The following ABCC4 variants were observed in gnomAD, a reference collection of about 807,000 sequenced individuals.
The protein encoded by ABCC4 is ATP-binding cassette sub-family C member 4.
Under a neutral mutation model 168.5 loss-of-function variants are expected in ABCC4, and 102 were observed. That is an observed-to-expected ratio of 0.61 (90% CI 0.52 to 0.71). The LOEUF is 0.71. Among genes scored for constraint, ABCC4 ranks in the 30% least tolerant of loss-of-function variants. ABCC4 has a pLI of 0.00. For synonymous variants in ABCC4, 617 were observed against 590.7 expected, an observed-to-expected ratio of 1.04 and a Z score of -0.65; for missense variants, 1,402 against 1,605.8, an observed-to-expected ratio of 0.87 and a Z score of 2.17.
intron 8 of ABCC4, among the ~76,000 whole-genome samples, chr13:95,196,625 G>A (rs868429788): frequency 4.2e-4 from 3 of 7,070 alleles, no homozygotes; most frequent in African/African-American, 1.2e-3. Flanking sequence ...AGGAAGGAAG[G>A]AAGGAAGGAA....
rs143743258 is a variant in ABCC4, at chr13:95,155,037, T to C, written c.2455+6152A>G. The stretch of plus-strand genomic sequence containing the variant: ...TTCTGATCATATAAAAAGCTCATCA[T>C]GGAGGTTGCTTTCAGTTCTCCACAA... On this transcript the variant is annotated intron_variant, in intron 19 of 30. Coordinates refer to ENST00000645237, the MANE Select transcript of ABCC4 (RefSeq NM_005845.5). 2.9e-4 allele frequency among the ~76,000 whole-genome samples: 44 copies of C among 152,320 alleles called. No homozygotes were observed. The East Asian group carries it at 7.7e-3, about 27-fold the overall frequency.
intron 19 of ABCC4, among the ~76,000 whole-genome samples, chr13:95,145,979 A>C (rs528367047): frequency 1.3e-5 from 2 of 152,338 alleles, no homozygotes; most frequent in South Asian, 2.1e-4. Flanking sequence ...TGGGAGGCCA[A>C]GGCAGGAGGA....
chr13:95,224,414 A>G (rs997898636), intron 4 of ABCC4, among the ~76,000 whole-genome samples: 11 of 152,168 alleles, frequency 7.2e-5, no homozygotes, highest in Non-Finnish European at 1.5e-5. Context: ...GAACAAAATG[A>G]GAGAATTCAT....
intron 9 of ABCC4, among the ~76,000 whole-genome samples, chr13:95,192,309 C>T (rs953684146): frequency 3.3e-5 from 5 of 152,248 alleles, no homozygotes; most frequent in African/African-American, 1.2e-4. Context: ...TGTGCCCCTC[C>T]TCCCACCCCA....
chr13:95,278,328 C>T (rs1329735527), intron 1 of ABCC4, among the ~76,000 whole-genome samples: 3 of 152,030 alleles, frequency 2.0e-5, no homozygotes, highest in Non-Finnish European at 2.9e-5. Context: ...TATCATCTAA[C>T]CTGGGATACT....
At chr13:95,241,607 G>A (rs1167271207) in intron 3 of ABCC4, among the ~76,000 whole-genome samples, 1 of 152,018 alleles carries the variant, frequency 6.6e-6, no homozygotes, top group Non-Finnish European at 1.5e-5. Flanking sequence ...GTGCACATAG[G>A]GGACAGATGT....
intron 22 of ABCC4, among the ~76,000 whole-genome samples, chr13:95,074,645 T>C (rs1594052866): frequency 6.6e-6 from 1 of 152,130 alleles, no homozygotes; most frequent in Non-Finnish European, 1.5e-5. Context: ...TCATGTGAAG[T>C]CCACCCACAC....
rs369328507 is a variant in ABCC4 at position 95,201,620 on chromosome 13, AG to A, written c.1161+4911del. ...CTATAAACAAATGGCTTCAATAATA[AG>A]GGGAAAATGAGGACAAAGTCACGTA... On this transcript the variant is annotated intron_variant, in intron 8 of 30. Coordinates refer to ENST00000645237, the MANE Select transcript of ABCC4 (RefSeq NM_005845.5). Among the ~76,000 whole-genome samples, 39 of 152,266 alleles carry A rather than the reference AG, an allele frequency of 2.6e-4. No homozygotes were observed. In the East Asian group the frequency reaches 6.6e-3, roughly 26 times the overall value.
At chr13:95,092,143 C>T (rs186779209) in intron 20 of ABCC4, among the ~76,000 whole-genome samples, 1 of 152,216 alleles carries the variant, frequency 6.6e-6, no homozygotes, top group East Asian at 1.9e-4. Flanking sequence ...CCCAACACTA[C>T]AGCTCTCAAA....
intron 19 of ABCC4, among the ~76,000 whole-genome samples, chr13:95,131,607 C>A (rs185461022): frequency 1.3e-5 from 2 of 152,066 alleles, no homozygotes; most frequent in African/African-American, 4.8e-5. Context: ...CCTGCCTGGG[C>A]AACAGAGCAA....
chr13:95,247,092 G>C lies in ABCC4; in HGVS notation c.189C>G (p.Phe63Leu), dbSNP rs773536996. The C allele has an allele frequency of 9.3e-6, 15 of 1,611,662 alleles. No homozygotes were observed. The highest frequency in any genetic ancestry group is 1.3e-5 in the Non-Finnish European group (15 of 1,179,448). Residue 63 changes from phenylalanine (F) to leucine (L), a missense_variant, in exon 3 of 31, where the codon TTC becomes TTG. Phe to Leu is a conservative substitution (Grantham distance 22). Around this residue, in one of 3 missense-constraint regions of ABCC4, gnomAD observed 317 missense variants for 345.5 expected, o/e 0.92. Transcript: ENST00000645237. ...SQHLGEELQG[F>L]WDKEVLRAEN... ...CAGCTCTTAAAACTTCTTTATCCCAGAACCTACAATGAGGAAAAAGCTTCG... is the reference window on the plus strand; with the variant it reads ...CAGCTCTTAAAACTTCTTTATCCCACAACCTACAATGAGGAAAAAGCTTCG...
intron 4 of ABCC4, among the ~76,000 whole-genome samples, chr13:95,226,557 G>C (rs748201362): frequency 2.3e-4 from 35 of 152,120 alleles, no homozygotes; most frequent in Non-Finnish European, 3.7e-4. Context: ...CCTGGGAAGC[G>C]AATGTGCTTC....
intron 26 of ABCC4, among the ~76,000 whole-genome samples, chr13:95,054,419 G>C (rs1460879597): frequency 6.6e-6 from 1 of 151,630 alleles, no homozygotes; most frequent in East Asian, 2.0e-4. Flanking sequence ...GCGGTGGCGG[G>C]CACCTGTAGT....
intron 8 of ABCC4, among the ~76,000 whole-genome samples, chr13:95,197,195 T>A (rs1235261658): frequency 4.6e-5 from 7 of 152,204 alleles, no homozygotes; most frequent in Admixed American, 4.6e-4. Context: ...CACAGATACA[T>A]GCTACAGTCA....
At chr13:95,270,121 T>C (rs974050677) in intron 1 of ABCC4, among the ~76,000 whole-genome samples, 3 of 152,016 alleles carry the variant, frequency 2.0e-5, no homozygotes, top group African/African-American at 7.2e-5. Flanking sequence ...CTCTTCAACG[T>C]TGGGCATTTG....
chr13:95,025,314 A>C (rs1355989327), intron 30 of ABCC4, among the ~76,000 whole-genome samples: 3 of 13,594 alleles, frequency 2.2e-4, no homozygotes, highest in African/African-American at 3.2e-4. Context: ...CCCACCCCCC[A>C]CACACACCCA....
At chr13:95,038,151 T>A (rs761719357) in intron 29 of ABCC4, among the ~76,000 whole-genome samples, 6 of 151,988 alleles carry the variant, frequency 3.9e-5, no homozygotes, top group African/African-American at 1.5e-4. Context: ...CCCCCACATA[T>A]GGCCCAAGAA....
chr13:95,169,107 TG>T (rs920647949), intron 14 of ABCC4, among the ~76,000 whole-genome samples: 6 of 152,170 alleles, frequency 3.9e-5, no homozygotes, highest in African/African-American at 1.4e-4. Flanking sequence ...CCCCAGAAAG[TG>T]GGAGAGGCGA....
intron 1 of ABCC4, among the ~76,000 whole-genome samples, chr13:95,264,864 CTTTT>C (rs55932446): frequency 5.2e-4 from 55 of 106,470 alleles, no homozygotes; most frequent in African/African-American, 1.3e-3. Flanking sequence ...CTACAATCCA[CTTTT>C]TTTTTTTTTT....
Sources: gnomAD v4.1 joint callset for allele counts (sites outside exome capture counted in the v4.1 genomes callset) on GRCh38, gnomAD v4.1.1 for gene constraint, gnomAD v4.1.1 regional missense constraint, MANE v1.5 for transcripts, NCBI Gene and HGNC (gene_info 2026-07-23, HGNC 2026-07-21) for gene names.